Variants in SHISA6 observed in about 807,000 individuals in gnomAD.
The protein encoded by SHISA6 is shisa family member 6.
Under a neutral mutation model 47.9 loss-of-function variants are expected in SHISA6, and 22 were observed. The ratio of observed to expected loss-of-function variants is 0.46; its 90% CI spans 0.33 to 0.66. The LOEUF (loss-of-function observed/expected upper bound fraction) is 0.66. Ranked by LOEUF, SHISA6 falls within the 30% of genes least tolerant of loss-of-function variation. SHISA6 has a pLI of 0.02. For missense variants in SHISA6, 680 were observed against 764.6 expected (o/e 0.89, Z 1.30); for synonymous variants, 388 against 337.8 (o/e 1.15, Z -1.63).
chr17:11,532,513 G>A (rs905013698), intron 3 of SHISA6, among the ~76,000 whole-genome samples: 1 of 152,206 alleles, frequency 6.6e-6, no homozygotes, highest in African/African-American at 2.4e-5. Flanking sequence ...ACGCGCGTAT[G>A]TGTGTAAATG....
intron 3 of SHISA6, among the ~76,000 whole-genome samples, chr17:11,495,746 C>T (rs1025177725): frequency 6.6e-6 from 1 of 151,580 alleles, no homozygotes; most frequent in Non-Finnish European, 1.5e-5. Flanking sequence ...AGTGGGCGTG[C>T]TAGCTCATAT....
chr17:11,328,635 C>G (rs1316776364), intron 2 of SHISA6, among the ~76,000 whole-genome samples: 1 of 152,162 alleles, frequency 6.6e-6, no homozygotes, highest in East Asian at 1.9e-4. Context: ...AGTCTTTTAA[C>G]AAATATCCCA....
At chr17:11,344,379 T>G (rs1911629580) in intron 2 of SHISA6, among the ~76,000 whole-genome samples, 1 of 152,206 alleles carries the variant, frequency 6.6e-6, no homozygotes, top group African/African-American at 2.4e-5. Context: ...TTTGGTGTTG[T>G]ATCTAAGAAG....
intron 2 of SHISA6, among the ~76,000 whole-genome samples, chr17:11,346,955 A>T (rs927143919): frequency 5.9e-5 from 9 of 152,338 alleles, no homozygotes; most frequent in Admixed American, 2.0e-4. Flanking sequence ...TCTTTGAAGG[A>T]CAATGGCATC....
chr17:11,330,028 A>C (rs930812243), intron 2 of SHISA6, among the ~76,000 whole-genome samples: 1 of 152,080 alleles, frequency 6.6e-6, no homozygotes, highest in Admixed American at 6.6e-5. Context: ...TGAGTAGAAT[A>C]AGGCTTTCCA....
rs1555542444 is a variant in SHISA6, at chr17:11,526,113, C to CCA, written c.896-25782_896-25781insAC. Among the ~76,000 whole-genome samples, 8 of 151,938 alleles carry CCA rather than the reference C, an allele frequency of 5.3e-5. 1 individual carries two copies. In the South Asian group the frequency reaches 1.7e-3, roughly 32 times the overall value. On this transcript the variant is annotated intron_variant, in intron 3 of 5. Coordinates refer to ENST00000441885, the MANE Select transcript of SHISA6 (RefSeq NM_207386.4). ...GTGGCATGACCCTACCAAGGGGACC[C>CCA]CCCCCCGCTCTCTGCTGATTTGGTG...
chr17:11,388,853 TA>T (rs536099984), intron 3 of SHISA6, among the ~76,000 whole-genome samples: 26 of 82,374 alleles, frequency 3.2e-4, no homozygotes, highest in South Asian at 1.2e-3. Context: ...TTAAAAAAGG[TA>T]AAAAAAAAAA....
chr17:11,295,791 G>A (rs187027651), intron 2 of SHISA6, among the ~76,000 whole-genome samples: 58 of 151,956 alleles, frequency 3.8e-4, no homozygotes, highest in Middle Eastern at 3.4e-3. Flanking sequence ...GTGAAACCCC[G>A]TCTCTACTAA....
At chr17:11,393,440 C>A (rs187797967) in intron 3 of SHISA6, among the ~76,000 whole-genome samples, 71 of 152,232 alleles carry the variant, frequency 4.7e-4, no homozygotes, top group Admixed American at 4.5e-3. Flanking sequence ...CACTGCCCAC[C>A]CTTCACCCAC....
chr17:11,414,271 C>T (rs937980845), intron 3 of SHISA6, among the ~76,000 whole-genome samples: 2 of 152,132 alleles, frequency 1.3e-5, no homozygotes, highest in East Asian at 3.9e-4. Flanking sequence ...TGGGACACAC[C>T]ACTTTGCAGT....
At chr17:11,435,829 G>A (rs1027029349) in intron 3 of SHISA6, among the ~76,000 whole-genome samples, 5 of 152,250 alleles carry the variant, frequency 3.3e-5, no homozygotes, top group Non-Finnish European at 7.4e-5. Context: ...GTGCCTCCAT[G>A]CTTACCTCCC....
At chr17:11,441,781 T>C (rs1263834388) in intron 3 of SHISA6, among the ~76,000 whole-genome samples, 1 of 152,196 alleles carries the variant, frequency 6.6e-6, no homozygotes, top group African/African-American at 2.4e-5. Flanking sequence ...ACTAACTTCA[T>C]TCAGATGGAC....
chr17:11,370,136 AG>A (rs1412373622), intron 2 of SHISA6, among the ~76,000 whole-genome samples: 1 of 152,182 alleles, frequency 6.6e-6, no homozygotes, highest in Non-Finnish European at 1.5e-5. Context: ...CAGAGGGTTT[AG>A]CCCCTCTAAA....
Position 11,444,161 on chromosome 17 carries a change from A to G in SHISA6, c.895+64652A>G, listed in dbSNP as rs570035168. On this transcript the variant is annotated intron_variant, in intron 3 of 5. Transcript: ENST00000441885. ...TGGTGAAACCCCATCGCTACTAAAAATACAAAAATTAGCTAGGCGTGGTGG... is the reference window on the plus strand; with the variant it reads ...TGGTGAAACCCCATCGCTACTAAAAGTACAAAAATTAGCTAGGCGTGGTGG... 2.0e-5 allele frequency among the ~76,000 whole-genome samples: 3 copies of G among 152,272 alleles called. No homozygotes were observed. The East Asian group carries it at 5.8e-4, about 30-fold the overall frequency.
chr17:11,255,997 A>G (rs1907993483), intron 1 of SHISA6, among the ~76,000 whole-genome samples: 1 of 152,136 alleles, frequency 6.6e-6, no homozygotes, highest in Admixed American at 6.5e-5. Context: ...GGCAGACATT[A>G]TTTTTTGCCT....
At chr17:11,411,466 G>A (rs1044646121) in intron 3 of SHISA6, among the ~76,000 whole-genome samples, 24 of 151,894 alleles carry the variant, frequency 1.6e-4, no homozygotes, top group African/African-American at 7.2e-5. Flanking sequence ...GCGTGATCTC[G>A]GCTCACTGCA....
rs547208878 is a variant in SHISA6, at chr17:11,508,556, C to G, written c.896-43340C>G. Among the ~76,000 whole-genome samples the G allele has an allele frequency of 8.2e-3, 1,070 of 130,504 alleles. 161 individuals are homozygous for G. Among genetic ancestry groups the G allele is most frequent in the African/African-American group, 0.028 (953 of 33,718 alleles). The allele number at this position is 130,504 out of a possible 152,430, so 85.6% of individuals were successfully genotyped here. ...GAATCAGCCCCTCCCCTCCTCTCCC[C>G]TCCCCTCCCCTCCCCTTCCTTTCCC... On this transcript the variant is annotated intron_variant, in intron 3 of 5. Coordinates refer to ENST00000441885, the MANE Select transcript of SHISA6 (RefSeq NM_207386.4).
At chr17:11,314,690 C>G (rs1910448011) in intron 2 of SHISA6, among the ~76,000 whole-genome samples, 1 of 152,024 alleles carries the variant, frequency 6.6e-6, no homozygotes, top group South Asian at 2.1e-4. Context: ...TGACCACCTC[C>G]ACGCCTGGCT....
intron 1 of SHISA6, among the ~76,000 whole-genome samples, chr17:11,256,737 G>T (rs779843368): frequency 1.3e-5 from 2 of 152,146 alleles, no homozygotes; most frequent in Non-Finnish European, 2.9e-5. Flanking sequence ...TGAAAAGTCT[G>T]GGTTTGATAT....
Sources: gnomAD v4.1 joint callset for allele counts (sites outside exome capture counted in the v4.1 genomes callset) on GRCh38, gnomAD v4.1.1 for gene constraint, MANE v1.5 for transcripts, NCBI Gene and HGNC (gene_info 2026-07-23, HGNC 2026-07-21) for gene names.